DDC: variants seen among roughly 807,000 people sequenced by gnomAD.
DDC encodes dopa decarboxylase.
DDC carries 43 observed loss-of-function variants against 60.0 expected under a neutral mutation model. The ratio of observed to expected loss-of-function variants is 0.72; its 90% CI spans 0.56 to 0.92. The LOEUF (loss-of-function observed/expected upper bound fraction) is 0.92, where lower values mean the gene tolerates loss of function less well. DDC is among the 40% of genes least tolerant of loss of function. The pLI, the probability that DDC is intolerant of heterozygous loss-of-function variation, is 0.00. For synonymous variants in DDC, 232 were observed against 234.6 expected (o/e 0.99, Z 0.10); for missense variants, 573 against 620.2 (o/e 0.92, Z 0.81).
chr7:50,482,446 A>G (rs12718541), intron 9 of DDC, among the ~76,000 whole-genome samples: 83,806 of 151,990 alleles, frequency 0.55, 23,289 homozygotes, highest in Admixed American at 0.62. Context: ...GAATATGTGG[A>G]GTCTGTTTCT....
chr7:50,498,137 A>G (rs1163498278), intron 8 of DDC, among the ~76,000 whole-genome samples: 1 of 152,252 alleles, frequency 6.6e-6, no homozygotes, highest in African/African-American at 2.4e-5. Flanking sequence ...ACTCCTGGCG[A>G]CAATCCCACA....
intron 11 of DDC, among the ~76,000 whole-genome samples, chr7:50,470,455 G>A (rs2042504867): frequency 6.6e-6 from 1 of 152,224 alleles, no homozygotes; most frequent in Non-Finnish European, 1.5e-5. Flanking sequence ...TGCACAGCAG[G>A]GCCAGACCTT....
At chr7:50,549,055 T>C (rs1358730321) in intron 1 of DDC, among the ~76,000 whole-genome samples, 1 of 152,212 alleles carries the variant, frequency 6.6e-6, no homozygotes, top group African/African-American at 2.4e-5. Flanking sequence ...TTACTGAATA[T>C]TTGAAGACTA....
chr7:50,547,605 A>G (rs959407540), intron 1 of DDC, among the ~76,000 whole-genome samples: 3 of 152,180 alleles, frequency 2.0e-5, no homozygotes, highest in African/African-American at 7.2e-5. Context: ...ATTGTTGAGC[A>G]TTTATATTAT....
At chr7:50,488,048 G>GA (rs750982885) in intron 9 of DDC, among the ~76,000 whole-genome samples, 9 of 152,004 alleles carry the variant, frequency 5.9e-5, no homozygotes, top group Non-Finnish European at 1.2e-4. Flanking sequence ...TTAACCTTAA[G>GA]TTTTTTACAT....
chr7:50,480,985 T>G (rs991448619), intron 9 of DDC, among the ~76,000 whole-genome samples: 1 of 152,196 alleles, frequency 6.6e-6, no homozygotes, highest in Non-Finnish European at 1.5e-5. Context: ...TCATTGGCAG[T>G]GTGGTGACAC....
chr7:50,556,601 G>A (rs1264939957), intron 1 of DDC, among the ~76,000 whole-genome samples: 1 of 152,156 alleles, frequency 6.6e-6, no homozygotes, highest in East Asian at 1.9e-4. Flanking sequence ...TAATTACAAA[G>A]TAGATGCTCG....
At chr7:50,485,527 A>G (rs2042862992) in intron 9 of DDC, among the ~76,000 whole-genome samples, 1 of 152,220 alleles carries the variant, frequency 6.6e-6, no homozygotes, top group Non-Finnish European at 1.5e-5. Context: ...TAAAAAATCC[A>G]TTTATATGTT....
chr7:50,471,552 C>A (rs1200500208), intron 11 of DDC, among the ~76,000 whole-genome samples: 1 of 152,092 alleles, frequency 6.6e-6, no homozygotes, highest in Non-Finnish European at 1.5e-5. Context: ...TGGTTCCCCC[C>A]AGTTGCACAC....
rs56908686 is a variant in DDC at position 50,557,871 on chromosome 7, G to A, written c.-29+7414C>T. On this transcript the variant is annotated intron_variant, in intron 1 of 14. Transcript: ENST00000444124. The stretch of plus-strand genomic sequence containing the variant: ...GATACAGAAATGTCACCCACCATCA[G>A]GCATTGAGCATAGACACTCCATCTC... Among the ~76,000 whole-genome samples, 795 of 152,264 alleles carry A rather than the reference G, an allele frequency of 5.2e-3. 4 individuals are homozygous for A. Among genetic ancestry groups the A allele is most frequent in the African/African-American group, 0.018 (752 of 41,534 alleles).
chr7:50,473,221 C>G (rs1051154807), intron 11 of DDC, among the ~76,000 whole-genome samples: 5 of 152,182 alleles, frequency 3.3e-5, no homozygotes, highest in Non-Finnish European at 5.9e-5. Context: ...ACACTTGTGC[C>G]TGCACCCAAG....
At chr7:50,527,443 T>A (rs985143656) in intron 6 of DDC, among the ~76,000 whole-genome samples, 1 of 152,224 alleles carries the variant, frequency 6.6e-6, no homozygotes, top group African/African-American at 2.4e-5. Flanking sequence ...TAGAATCTAT[T>A]CAAATTGTAC....
chr7:50,528,140 G>T lies in DDC; in HGVS notation c.711C>A (p.Phe237Leu). ...ERDKAAGLIP[F>L]FMVATLGTTT... Reference sequence around the variant, plus strand: ...CCACAAGTGCTGCCGAACTTACAAAGAAAGGAATCAGGCCAGCCGCTTTGT... The same window carrying T: ...CCACAAGTGCTGCCGAACTTACAAATAAAGGAATCAGGCCAGCCGCTTTGT... The change falls in exon 6 of 15, where the codon TTC becomes TTA. Residue 237 changes from phenylalanine (F) to leucine (L), a missense_variant. Coordinates refer to ENST00000444124, the MANE Select transcript of DDC (RefSeq NM_001082971.2). 1 of 1,612,734 alleles carries T rather than the reference G, an allele frequency of 6.2e-7. No homozygotes were observed. Among genetic ancestry groups the T allele is most frequent in the Non-Finnish European group, 8.5e-7 (1 of 1,179,926 alleles).
Position 50,488,399 on chromosome 7 carries a change from TAAA to T in DDC, c.944+6948_944+6950del, listed in dbSNP as rs2042930397. Among the ~76,000 whole-genome samples, 4 of 151,946 alleles carry T rather than the reference TAAA, an allele frequency of 2.6e-5. No individual in the cohort carries two copies. The South Asian group carries it at 8.3e-4, about 31-fold the overall frequency. ...AAACAAGGTAAAAGGAAACAGTAAA[TAAA>T]AGAGATGCAAAAAAAGTTATAAATA... On this transcript the variant is annotated intron_variant, in intron 9 of 14. Coordinates refer to ENST00000444124, the MANE Select transcript of DDC (RefSeq NM_001082971.2).
At chr7:50,476,548 G>A (rs556473245) in intron 11 of DDC, 76 bp downstream of exon 11, 6 of 1,286,470 alleles carry the variant, frequency 4.7e-6, no homozygotes, top group South Asian at 2.4e-5. Context: ...AGTGGGGGAG[G>A]AGATGTGTGA....
At chr7:50,534,318 G>C (rs1377981400) in intron 4 of DDC, among the ~76,000 whole-genome samples, 1 of 152,052 alleles carries the variant, frequency 6.6e-6, no homozygotes, top group Non-Finnish European at 1.5e-5. Context: ...CACTCTGACC[G>C]ATCTCCTACA....
At chr7:50,512,816 T>C (rs982192906) in intron 6 of DDC, among the ~76,000 whole-genome samples, 1 of 152,208 alleles carries the variant, frequency 6.6e-6, no homozygotes, top group African/African-American at 2.4e-5. Context: ...TCTTTTCCCT[T>C]TTTAAGGATA....
intron 3 of DDC, among the ~76,000 whole-genome samples, 172 bp from the exon 4 acceptor site, chr7:50,538,151 G>T (rs11575316): frequency 6.6e-6 from 1 of 152,144 alleles, no homozygotes; most frequent in African/African-American, 2.4e-5. Context: ...CAAGGAGAGC[G>T]GTTGGGAAGG....
At chr7:50,459,292 G>A (rs567425401) in intron 14 of DDC, among the ~76,000 whole-genome samples, 55 of 152,038 alleles carry the variant, frequency 3.6e-4, no homozygotes, top group African/African-American at 1.2e-3. Context: ...GCAGTGGAGT[G>A]ATCTCGGCTC....
Sources: allele counts gnomAD v4.1 joint callset (sites outside exome capture counted in the v4.1 genomes callset), GRCh38; gene constraint gnomAD v4.1.1; transcripts MANE v1.5; gene names NCBI Gene and HGNC (gene_info 2026-07-23, HGNC 2026-07-21).